MROH9: variants seen among roughly 807,000 people sequenced by gnomAD.
MROH9 encodes maestro heat like repeat family member 9.
Under a neutral mutation model 98.2 loss-of-function variants are expected in MROH9, and 92 were observed. That is an observed-to-expected ratio of 0.94 (90% confidence interval 0.79 to 1.11). The LOEUF (loss-of-function observed/expected upper bound fraction) is 1.11. Ranked by LOEUF, MROH9 falls within the 50% of genes most tolerant of loss-of-function variation. The probability of loss-of-function intolerance (pLI) is 0.00; values close to 1 mark genes in which losing one functional copy is unlikely to be tolerated. For missense variants in MROH9, 1,057 were observed against 1,014.8 expected (o/e 1.04, Z -0.57); for synonymous variants, 397 against 368.9 (o/e 1.08, Z -0.87).
intron 19 of MROH9, 110 bp from the exon 20 acceptor site, chr1:171,025,208 T>A (rs1001801324): frequency 5.3e-5 from 34 of 645,246 alleles, no homozygotes; most frequent in Non-Finnish European, 8.2e-5. Context: ...CACAAAAGCA[T>A]CCCCAATTTC....
At chr1:171,035,282 T>C (rs1221575229) in intron 20 of MROH9, among the ~76,000 whole-genome samples, 2 of 150,996 alleles carry the variant, frequency 1.3e-5, no homozygotes, top group Non-Finnish European at 3.0e-5. Flanking sequence ...GTACAAAAAA[T>C]AATAATAAAT....
chr1:171,025,408 G>C lies in MROH9; in HGVS notation c.2269G>C (p.Val757Leu). The C allele has an allele frequency of 3.9e-6, 6 of 1,543,344 alleles. No individual in the cohort carries two copies. The South Asian group carries it at 7.2e-5, about 18-fold the overall frequency. The change falls in exon 20 of 22, where the codon GTT becomes CTT. Residue 757 changes from valine to leucine, a missense_variant. By Grantham distance (32) the Val-to-Leu change is conservative. Coordinates refer to ENST00000367759, the MANE Select transcript of MROH9 (RefSeq NM_001163629.2). ...CAGAACATATCTTAAGAGGGCATCG[G>C]TTATTTTGATAGGTAAATATAATTC... ...SPRTYLKRAS[V>L]ILIGYLAKSG...
chr1:170,980,688 C>T (rs1244191226), intron 8 of MROH9, among the ~76,000 whole-genome samples: 4 of 152,146 alleles, frequency 2.6e-5, no homozygotes, highest in African/African-American at 4.8e-5. Flanking sequence ...CTAGGCAATA[C>T]CATTCAGGAC....
chr1:171,012,710 A>G (rs1652197835), intron 15 of MROH9, among the ~76,000 whole-genome samples: 1 of 151,872 alleles, frequency 6.6e-6, no homozygotes, highest in African/African-American at 2.4e-5. Context: ...TCACCATGTT[A>G]TCCAGGATGG....
chr1:170,949,054 C>T (rs1351687137), intron 3 of MROH9, among the ~76,000 whole-genome samples: 1 of 152,054 alleles, frequency 6.6e-6, no homozygotes, highest in East Asian at 1.9e-4. Flanking sequence ...TAGGTCTCAG[C>T]TACTTCTGCA....
In MROH9 at chr1:171,012,840, A is replaced by G. The variant is rs1266860948; in HGVS notation, c.1597-1277A>G. Among the ~76,000 whole-genome samples, 5 of 152,254 alleles carry G rather than the reference A, an allele frequency of 3.3e-5. No individual in the cohort carries two copies. In the East Asian group the frequency reaches 9.7e-4, roughly 29 times the overall value. On this transcript the variant is annotated intron_variant, in intron 15 of 21. Coordinates refer to ENST00000367759, the MANE Select transcript of MROH9 (RefSeq NM_001163629.2). ...GTGTTTTTGAGAGATTTTAATCAGC[A>G]TATTTGACTGTCAGTTATTAAATGT...
chr1:170,958,875 T>G (rs750672956), intron 4 of MROH9, among the ~76,000 whole-genome samples: 6 of 152,230 alleles, frequency 3.9e-5, no homozygotes, highest in Non-Finnish European at 7.3e-5. Context: ...AGCATGGCTT[T>G]GTGGACTTGG....
At chr1:170,989,342 G>A (rs569014943) in intron 10 of MROH9, among the ~76,000 whole-genome samples, 1 of 152,250 alleles carries the variant, frequency 6.6e-6, no homozygotes, top group Admixed American at 6.5e-5. Flanking sequence ...GGGGAAAAAT[G>A]ACACTAACAT....
At chr1:171,050,016 T>G (rs570431470) in intron 20 of MROH9, among the ~76,000 whole-genome samples, 1 of 152,332 alleles carries the variant, frequency 6.6e-6, no homozygotes, top group South Asian at 2.1e-4. Flanking sequence ...TGAATTTTTT[T>G]GTAGATTCTG....
At chr1:171,049,844 C>T (rs1473399450) in intron 20 of MROH9, among the ~76,000 whole-genome samples, 1 of 152,032 alleles carries the variant, frequency 6.6e-6, no homozygotes, top group Non-Finnish European at 1.5e-5. Flanking sequence ...CCATGCTAGA[C>T]TGATTTTTGT....
At position 171,027,066 on chromosome 1, in the gene MROH9, C is replaced by G. The variant is rs183167510; in HGVS notation, c.2281+1646C>G. ...GTTAGCAAAATCAAACAAAAACCAT[C>G]AATGAAAAATTCTTTTTATTCCTTC... On this transcript the variant is annotated intron_variant, in intron 20 of 21. Coordinates refer to ENST00000367759, the MANE Select transcript of MROH9 (RefSeq NM_001163629.2). Among the ~76,000 whole-genome samples, 21 of 152,162 alleles carry G rather than the reference C, an allele frequency of 1.4e-4. 1 individual carries two copies. In the East Asian group the frequency reaches 3.9e-3, roughly 28 times the overall value.
At chr1:170,939,020 AG>A (rs1207140236) in intron 1 of MROH9, among the ~76,000 whole-genome samples, 1 of 152,234 alleles carries the variant, frequency 6.6e-6, no homozygotes, top group Admixed American at 6.5e-5. Flanking sequence ...CTGAAGAAAT[AG>A]CCTAATTGGT....
At chr1:171,051,353 A>G (rs1213737488) in intron 20 of MROH9, among the ~76,000 whole-genome samples, 1 of 152,102 alleles carries the variant, frequency 6.6e-6, no homozygotes, top group Non-Finnish European at 1.5e-5. Context: ...ATCCATCAAT[A>G]CTAGATTAGA....
At chr1:170,951,650 C>A (rs1649556623) in intron 3 of MROH9, among the ~76,000 whole-genome samples, 1 of 152,100 alleles carries the variant, frequency 6.6e-6, no homozygotes, top group Non-Finnish European at 1.5e-5. Context: ...GGGAAAGACA[C>A]CTCCTAGCTG....
At position 170,971,751 on chromosome 1, in the gene MROH9, A is replaced by C; in HGVS notation, c.484A>C (p.Ser162Arg). 1.2e-6 allele frequency: 2 copies of C among 1,613,950 alleles called. No homozygotes were observed. The highest frequency in any genetic ancestry group is 1.7e-6 in the Non-Finnish European group (2 of 1,179,880). The change falls in exon 8 of 22, where the codon AGT becomes CGT. Residue 162 changes from serine (S) to arginine (R), a missense_variant. Ser to Arg is a moderately radical substitution (Grantham distance 110, BLOSUM62 -1). Transcript: ENST00000367759. ...TTCTCCTTTGTTTCTCCATTAGATA[A>C]GTGTTGATGCTCCATGTTTGGGTCT... is the stretch of plus-strand genomic sequence containing the variant. Reference protein sequence around the residue: ...FTVTKVRKYISVDAPCLGLLA... With the variant: ...FTVTKVRKYIRVDAPCLGLLA...
intron 1 of MROH9, among the ~76,000 whole-genome samples, chr1:170,941,105 C>T (rs1347152897): frequency 1.3e-5 from 2 of 152,166 alleles, no homozygotes; most frequent in African/African-American, 2.4e-5. Context: ...TCCCTAGTTC[C>T]CTATTCTGAC....
intron 20 of MROH9, among the ~76,000 whole-genome samples, chr1:171,030,476 G>A (rs541527414): frequency 2.6e-5 from 4 of 152,072 alleles, no homozygotes; most frequent in East Asian, 1.9e-4. Context: ...CAGAGATTCC[G>A]GTACATTGTC....
rs1433009141 is a variant in MROH9 at position 171,029,916 on chromosome 1, A to G, written c.2281+4496A>G. Among the ~76,000 whole-genome samples, 7 of 152,164 alleles carry G rather than the reference A, an allele frequency of 4.6e-5. No homozygotes were observed. The East Asian group carries it at 1.4e-3, about 29-fold the overall frequency. The stretch of plus-strand genomic sequence containing the variant: ...TCTGGTAGAATTCAACTGTGAGTCC[A>G]TCTGTTCCTGGGCTTTTTTTGGTTG... On this transcript the variant is annotated intron_variant, in intron 20 of 21. Transcript: ENST00000367759.
intron 12 of MROH9, 111 bp from the exon 13 acceptor site, chr1:170,995,278 A>G: frequency 8.5e-7 from 1 of 1,170,972 alleles, no homozygotes; most frequent in African/African-American, 1.5e-5. Flanking sequence ...GGTTTTCTTC[A>G]AGGAGGCTGA....
Sources: allele counts gnomAD v4.1 joint callset (sites outside exome capture counted in the v4.1 genomes callset), GRCh38; gene constraint gnomAD v4.1.1; transcripts MANE v1.5; gene names NCBI Gene and HGNC (gene_info 2026-07-23, HGNC 2026-07-21).